Variants in ARAP2 observed in about 807,000 individuals in gnomAD.
ARAP2 encodes arf-GAP with Rho-GAP domain, ANK repeat and PH domain-containing protein 2.
In ARAP2, 148 loss-of-function variants were observed where a neutral mutation model predicts 194.5. The observed-to-expected ratio is 0.76, with a 90% confidence interval of 0.67 to 0.87. The LOEUF (loss-of-function observed/expected upper bound fraction) is 0.87, where lower values mean the gene tolerates loss of function less well. ARAP2 is among the 40% of genes least tolerant of loss of function. The pLI is 0.00. For synonymous variants in ARAP2, 695 were observed against 683.5 expected (o/e 1.02, Z -0.26); for missense variants, 2,128 against 1,989.7 (o/e 1.07, Z -1.32).
intron 6 of ARAP2, among the ~76,000 whole-genome samples, chr4:36,201,749 C>T (rs529098404): frequency 6.6e-6 from 1 of 152,068 alleles, no homozygotes; most frequent in African/African-American, 2.4e-5. Flanking sequence ...GAAGTACTCA[C>T]ACAGAGGCAC....
At chr4:36,186,530 C>A (rs568256845) in intron 8 of ARAP2, among the ~76,000 whole-genome samples, 1 of 152,316 alleles carries the variant, frequency 6.6e-6, no homozygotes, top group East Asian at 1.9e-4. Context: ...GTCCCCAAAC[C>A]CAAGACCATG....
At chr4:36,065,234 C>T (rs374259762), downstream of ARAP2, 11 of 379,878 alleles carry the variant, frequency 2.9e-5, no homozygotes, top group African/African-American at 1.1e-4. Flanking sequence ...GCAGGTGGAG[C>T]GGGAGAAGCA....
intron 24 of ARAP2, among the ~76,000 whole-genome samples, chr4:36,117,447 T>C (rs959255661): frequency 2.6e-5 from 4 of 151,744 alleles, no homozygotes; most frequent in Non-Finnish European, 4.4e-5. Context: ...AATAGATATA[T>C]GCTGGCTGTG....
chr4:36,233,139 C>A (rs1039479023), intron 1 of ARAP2, among the ~76,000 whole-genome samples: 1 of 152,212 alleles, frequency 6.6e-6, no homozygotes, highest in Non-Finnish European at 1.5e-5. Flanking sequence ...TTTTAACTGT[C>A]TGAACACCCA....
intron 22 of ARAP2, among the ~76,000 whole-genome samples, chr4:36,123,317 A>G (rs1723106421): frequency 6.6e-6 from 1 of 151,778 alleles, no homozygotes. Context: ...TCTTTTAGCT[A>G]GGGTAGGGAT....
At chr4:36,124,016 T>C (rs1723292297) in intron 22 of ARAP2, among the ~76,000 whole-genome samples, 2 of 151,810 alleles carry the variant, frequency 1.3e-5, no homozygotes, top group Admixed American at 1.3e-4. Flanking sequence ...CTCACAGGCA[T>C]AGAGATAGGA....
intron 7 of ARAP2, among the ~76,000 whole-genome samples, chr4:36,190,612 C>T (rs1254716849): frequency 6.6e-6 from 1 of 152,144 alleles, no homozygotes; most frequent in East Asian, 1.9e-4. Flanking sequence ...GGTTTGCCTC[C>T]CTACTTTCAG....
At chr4:36,071,202 T>C (rs1726785267) in intron 32 of ARAP2, among the ~76,000 whole-genome samples, 2 of 152,232 alleles carry the variant, frequency 1.3e-5, no homozygotes, top group South Asian at 2.1e-4. Context: ...AAAGATATGC[T>C]AGTCATTATT....
At chr4:36,082,013 A>G (rs1577790680) in intron 30 of ARAP2, among the ~76,000 whole-genome samples, 2 of 152,250 alleles carry the variant, frequency 1.3e-5, no homozygotes, top group Non-Finnish European at 2.9e-5. Flanking sequence ...CATAATAACT[A>G]TGGAAGAAAT....
rs186446031 is a variant in ARAP2, at chr4:36,019,117, T to C, written n.750+27A>G. The C allele has an allele frequency of 1.1e-4, 16 of 149,676 alleles. 3 individuals are homozygous for C. Among genetic ancestry groups the C allele is most frequent in the African/African-American group, 3.1e-4 (12 of 38,998 alleles). The allele number at this position is 149,676 out of a possible 1,614,324, so 9.3% of individuals were successfully genotyped here. On this transcript the variant is annotated intron_variant and non_coding_transcript_variant, in intron 6 of 12. Coordinates refer to the ARAP2 transcript ENST00000503225. ...TGCATATATATTTAAAATACATCTT[T>C]TAAAAATTGTCATAAAAGAAAGTTA...
intron 28 of ARAP2, among the ~76,000 whole-genome samples, chr4:36,085,778 C>A (rs1190261460): frequency 1.3e-5 from 2 of 152,022 alleles, no homozygotes; most frequent in Non-Finnish European, 2.9e-5. Context: ...TAAATCAATA[C>A]TAGCAGATTT....
intron 10 of ARAP2, chr4:36,005,554 A>G (rs1271212666): frequency 6.6e-6 from 1 of 152,152 alleles, no homozygotes; most frequent in Non-Finnish European, 1.5e-5. Context: ...GAGTAAGGTA[A>G]GAAAAGTAAG....
chr4:36,047,912 C>A (rs958639893), intron 3 of ARAP2, among the ~76,000 whole-genome samples: 1 of 152,156 alleles, frequency 6.6e-6, no homozygotes, highest in African/African-American at 2.4e-5. Flanking sequence ...TGAGTCTAAT[C>A]CTGATATGCA....
At chr4:36,082,156 T>G (rs2109348354) in intron 30 of ARAP2, 95 bp downstream of exon 30, 1 of 1,185,620 alleles carries the variant, frequency 8.4e-7, no homozygotes, top group East Asian at 2.5e-5. Context: ...CAAAACACTT[T>G]CCGTCTGTAG....
chr4:36,183,929 A>G (rs1379846605), intron 8 of ARAP2, among the ~76,000 whole-genome samples: 1 of 152,212 alleles, frequency 6.6e-6, no homozygotes, highest in Non-Finnish European at 1.5e-5. Flanking sequence ...AGATCATTCA[A>G]AGCCTTATCA....
intron 9 of ARAP2, among the ~76,000 whole-genome samples, chr4:36,175,601 A>C (rs1245548324): frequency 1.3e-5 from 2 of 152,194 alleles, no homozygotes; most frequent in African/African-American, 2.4e-5. Flanking sequence ...ATTTAAAAAA[A>C]ACACACACAT....
At chr4:36,209,083 C>T (rs983184866) in intron 6 of ARAP2, among the ~76,000 whole-genome samples, 13 of 152,110 alleles carry the variant, frequency 8.5e-5, no homozygotes, top group African/African-American at 2.2e-4. Context: ...TCACCTGGGA[C>T]GCACAGGAAA....
intron 6 of ARAP2, among the ~76,000 whole-genome samples, chr4:36,208,645 A>G (rs1746082958): frequency 6.6e-6 from 1 of 152,208 alleles, no homozygotes; most frequent in Non-Finnish European, 1.5e-5. Flanking sequence ...ACAGAGCCTA[A>G]TTAGGAAAGG....
At chr4:36,105,079 G>A (rs1311603978) in intron 27 of ARAP2, among the ~76,000 whole-genome samples, 3 of 151,962 alleles carry the variant, frequency 2.0e-5, no homozygotes, top group South Asian at 4.2e-4. Context: ...TTCATCCTTG[G>A]GAGGTCAAGG....
Sources: gnomAD v4.1 joint callset for allele counts (sites outside exome capture counted in the v4.1 genomes callset) on GRCh38, gnomAD v4.1.1 for gene constraint, MANE v1.5 for transcripts, NCBI Gene and HGNC (gene_info 2026-07-23, HGNC 2026-07-21) for gene names.